Variants in SEMA5A observed in about 807,000 individuals in gnomAD.
SEMA5A encodes the protein semaphorin 5A.
Under a neutral mutation model 135.5 loss-of-function variants are expected in SEMA5A, and 55 were observed. The observed-to-expected ratio is 0.41, with a 90% confidence interval of 0.33 to 0.51. The LOEUF (loss-of-function observed/expected upper bound fraction) is 0.51. SEMA5A is among the 20% of genes least tolerant of loss of function. SEMA5A has a pLI of 0.37. For missense variants in SEMA5A, 1,290 were observed against 1,419.9 expected (o/e 0.91, Z 1.47); for synonymous variants, 580 against 546.5 (o/e 1.06, Z -0.85).
At chr5:9,469,470 A>G (rs1759394077) in intron 1 of SEMA5A, among the ~76,000 whole-genome samples, 1 of 152,218 alleles carries the variant, frequency 6.6e-6, no homozygotes, top group Non-Finnish European at 1.5e-5. Context: ...ACCTTCTATT[A>G]AGCAACCATA....
At chr5:9,481,144 A>T (rs2126778510) in intron 1 of SEMA5A, among the ~76,000 whole-genome samples, 1 of 152,190 alleles carries the variant, frequency 6.6e-6, no homozygotes, top group South Asian at 2.1e-4. Context: ...ATGGAGTTTC[A>T]CCATGTTGGC....
At chr5:9,365,605 C>G (rs111567184) in intron 3 of SEMA5A, among the ~76,000 whole-genome samples, 2 of 152,144 alleles carry the variant, frequency 1.3e-5, no homozygotes, top group Non-Finnish European at 2.9e-5. Flanking sequence ...AATCCTGGTC[C>G]CAGGCCTGCT....
chr5:9,519,166 G>A lies in SEMA5A; in HGVS notation c.-175+26418C>T, dbSNP rs559612145. 5.9e-5 allele frequency among the ~76,000 whole-genome samples: 9 copies of A among 152,226 alleles called. No homozygotes were observed. In the East Asian group the frequency reaches 9.7e-4, roughly 16 times the overall value. ...CATCAGTCTGTTATTGTATACTGAC[G>A]GAGTGTGGAAATAAATGCCAATATC... On this transcript the variant is annotated intron_variant, in intron 1 of 22. Transcript: ENST00000382496.
At chr5:9,099,409 A>G (rs1739501361) in intron 16 of SEMA5A, among the ~76,000 whole-genome samples, 1 of 152,262 alleles carries the variant, frequency 6.6e-6, no homozygotes, top group South Asian at 2.1e-4. Context: ...GTGTTTGTGA[A>G]GATATAATAT....
chr5:9,303,061 T>C (rs1170659033), intron 5 of SEMA5A, among the ~76,000 whole-genome samples: 2 of 151,632 alleles, frequency 1.3e-5, no homozygotes, highest in Non-Finnish European at 2.9e-5. Context: ...TTATTTCAAA[T>C]AGTAAATTTA....
At chr5:9,295,455 C>G (rs1168353292) in intron 5 of SEMA5A, among the ~76,000 whole-genome samples, 1 of 152,082 alleles carries the variant, frequency 6.6e-6, no homozygotes, top group Non-Finnish European at 1.5e-5. Flanking sequence ...AAATAATTCA[C>G]ACTGAATGTT....
chr5:9,358,308 T>C (rs1476776022), intron 3 of SEMA5A, among the ~76,000 whole-genome samples: 3 of 152,194 alleles, frequency 2.0e-5, no homozygotes, highest in African/African-American at 7.2e-5. Flanking sequence ...TGTGCAATTT[T>C]GGTTCTAACT....
At chr5:9,494,615 C>A (rs77972841) in intron 1 of SEMA5A, among the ~76,000 whole-genome samples, 1 of 143,954 alleles carries the variant, frequency 6.9e-6, no homozygotes. Flanking sequence ...CAATGCCCCC[C>A]TGAACCAAAC....
chr5:9,443,242 G>C (rs1758305118), intron 1 of SEMA5A, among the ~76,000 whole-genome samples: 1 of 152,080 alleles, frequency 6.6e-6, no homozygotes, highest in African/African-American at 2.4e-5. Flanking sequence ...TCTGTGGCTG[G>C]GGGTCCTTGG....
At chr5:9,099,271 T>C (rs1021777680) in intron 16 of SEMA5A, among the ~76,000 whole-genome samples, 8 of 152,222 alleles carry the variant, frequency 5.3e-5, no homozygotes, top group Admixed American at 3.3e-4. Flanking sequence ...TGTACTGATA[T>C]TAACTTTCTC....
chr5:9,166,915 C>A (rs1184567078), intron 11 of SEMA5A, among the ~76,000 whole-genome samples: 2 of 152,076 alleles, frequency 1.3e-5, no homozygotes, highest in Non-Finnish European at 2.9e-5. Flanking sequence ...AAACAACCAC[C>A]CAGTTGGTAA....
chr5:9,295,556 G>A (rs748374191), intron 5 of SEMA5A, among the ~76,000 whole-genome samples: 39 of 152,110 alleles, frequency 2.6e-4, no homozygotes, highest in Non-Finnish European at 5.0e-4. Flanking sequence ...AGGAGGAGGA[G>A]GAGGAGGATT....
intron 5 of SEMA5A, among the ~76,000 whole-genome samples, chr5:9,249,523 A>T (rs1748663654): frequency 6.6e-6 from 1 of 152,284 alleles, no homozygotes; most frequent in Non-Finnish European, 1.5e-5. Flanking sequence ...AGACATAAAC[A>T]TATTTTTATA....
Position 9,054,248 on chromosome 5 carries a change from A to C in SEMA5A, c.2528T>G (p.Val843Gly). The C allele has an allele frequency of 6.2e-7, 1 of 1,613,006 alleles. No individual in the cohort carries two copies. The highest frequency in any genetic ancestry group is 8.5e-7 in the Non-Finnish European group (1 of 1,179,560). The change falls in exon 19 of 23, where the codon GTG becomes GGG. Residue 843 changes from valine to glycine, a missense_variant. Physicochemically the swap from Val to Gly is moderately radical, Grantham distance 109. Coordinates refer to ENST00000382496, the MANE Select transcript of SEMA5A (RefSeq NM_003966.3). ...CNILPCPVDG[V>G]WSCWSPWTKC... ...TGTCCAGGGGGACCAGCAAGACCAC[A>C]CGCCATCCACTGTGAAGAAACACAA...
rs182493219 is a variant in SEMA5A, at chr5:9,225,831, G to C, written c.433-944C>G. Among the ~76,000 whole-genome samples the C allele has an allele frequency of 2.2e-4, 33 of 152,212 alleles. No homozygotes were observed. The East Asian group carries it at 5.8e-3, about 27-fold the overall frequency. Reference sequence around the variant, plus strand: ...TGAGAAAAGCTCTTGGGTACTGGTGGAATCTTTGCTCAATTTGGTTCTTGG... The same window carrying C: ...TGAGAAAAGCTCTTGGGTACTGGTGCAATCTTTGCTCAATTTGGTTCTTGG... On this transcript the variant is annotated intron_variant, in intron 7 of 22. Transcript: ENST00000382496.
intron 1 of SEMA5A, among the ~76,000 whole-genome samples, chr5:9,441,895 T>C (rs2135072): frequency 0.27 from 40,778 of 152,024 alleles, 5,620 homozygotes; most frequent in East Asian, 0.38. Context: ...GAGAAAGAGA[T>C]GAGACTTCAT....
rs1164863061 is a variant in SEMA5A, at chr5:9,179,132, T to C, written c.1273+11135A>G. ...CAATACTACCCTAACTGGGTTTTTG[T>C]ATAAGCAAGAGGACAGCAGGTTTGG... On this transcript the variant is annotated intron_variant, in intron 11 of 22. Transcript: ENST00000382496. Among the ~76,000 whole-genome samples, 4 of 152,182 alleles carry C rather than the reference T, an allele frequency of 2.6e-5. No individual in the cohort carries two copies. The East Asian group carries it at 7.7e-4, about 29-fold the overall frequency.
At chr5:9,470,236 A>G (rs898071785) in intron 1 of SEMA5A, among the ~76,000 whole-genome samples, 1 of 152,212 alleles carries the variant, frequency 6.6e-6, no homozygotes, top group Admixed American at 6.5e-5. Context: ...GGTTGCACAA[A>G]GAAGTTTCAG....
chr5:9,191,896 G>A (rs1330249855), intron 10 of SEMA5A, among the ~76,000 whole-genome samples: 2 of 144,586 alleles, frequency 1.4e-5, no homozygotes, highest in African/African-American at 5.1e-5. Flanking sequence ...GAGTTTAGGT[G>A]AAGGGCTCAG....
Sources: gnomAD v4.1 joint callset for allele counts (sites outside exome capture counted in the v4.1 genomes callset) on GRCh38, gnomAD v4.1.1 for gene constraint, MANE v1.5 for transcripts, NCBI Gene and HGNC (gene_info 2026-07-23, HGNC 2026-07-21) for gene names.